Variants in SUGCT observed in about 807,000 individuals in gnomAD.
SUGCT encodes the protein succinyl-CoA:glutarate-CoA transferase.
In SUGCT, 41 loss-of-function variants were observed where a neutral mutation model predicts 55.0. The observed-to-expected ratio is 0.74, with a 90% CI of 0.58 to 0.97. The LOEUF (loss-of-function observed/expected upper bound fraction) is 0.97, where lower values mean the gene tolerates loss of function less well. Among genes scored for constraint, SUGCT ranks in the 50% least tolerant of loss-of-function variants. The pLI is 0.00. For missense variants in SUGCT, 568 were observed against 547.8 expected, an observed-to-expected ratio of 1.04 and a Z score of -0.37; for synonymous variants, 187 against 200.4, an observed-to-expected ratio of 0.93 and a Z score of 0.56.
chr7:40,168,809 G>A (rs1784539423), intron 1 of SUGCT, among the ~76,000 whole-genome samples: 1 of 151,246 alleles, frequency 6.6e-6, no homozygotes, highest in Admixed American at 6.6e-5. Flanking sequence ...CTTCTGCCGA[G>A]TACTGGGGCT....
At chr7:40,208,301 C>T (rs907465723) in intron 6 of SUGCT, among the ~76,000 whole-genome samples, 6 of 152,176 alleles carry the variant, frequency 3.9e-5, no homozygotes, top group Admixed American at 1.3e-4. Flanking sequence ...TATTTAATGC[C>T]GGTGCACTGT....
intron 1 of SUGCT, among the ~76,000 whole-genome samples, chr7:40,136,753 A>G (rs537667014): frequency 6.6e-6 from 1 of 152,264 alleles, no homozygotes; most frequent in East Asian, 1.9e-4. Flanking sequence ...TATTGAATAA[A>G]ATGACCTAGG....
intron 12 of SUGCT, among the ~76,000 whole-genome samples, chr7:40,740,713 C>A (rs985215222): frequency 6.6e-6 from 1 of 151,682 alleles, no homozygotes; most frequent in Non-Finnish European, 1.5e-5. Flanking sequence ...AACTTGTGAC[C>A]TTTTATTATG....
intron 9 of SUGCT, among the ~76,000 whole-genome samples, chr7:40,356,189 A>T (rs554675175): frequency 6.6e-6 from 1 of 152,374 alleles, no homozygotes; most frequent in Non-Finnish European, 1.5e-5. Flanking sequence ...GGAAGTATAT[A>T]AAACAGCTTG....
At chr7:40,999,098 C>T in the SUGCT span, among the ~76,000 whole-genome samples, 1 of 152,158 alleles carries the variant, frequency 6.6e-6, no homozygotes, top group Middle Eastern at 3.2e-3. Flanking sequence ...CGAAGTGACA[C>T]ACTTTGAACT....
At chr7:40,991,765 A>G in the SUGCT span, among the ~76,000 whole-genome samples, 3 of 152,190 alleles carry the variant, frequency 2.0e-5, no homozygotes, top group Non-Finnish European at 2.9e-5. Context: ...TGATTGGGAA[A>G]GAATGGGCAT....
chr7:40,142,071 G>A (rs1186083719), intron 1 of SUGCT, among the ~76,000 whole-genome samples: 1 of 152,134 alleles, frequency 6.6e-6, no homozygotes, highest in Non-Finnish European at 1.5e-5. Context: ...ATCTGAATGA[G>A]TCAGGGTGGA....
At chr7:40,138,513 G>A (rs1274848890) in intron 1 of SUGCT, among the ~76,000 whole-genome samples, 1 of 152,220 alleles carries the variant, frequency 6.6e-6, no homozygotes, top group Non-Finnish European at 1.5e-5. Context: ...TAGATGCACA[G>A]TAGTGGGATT....
chr7:40,874,831 T>C, the SUGCT span, among the ~76,000 whole-genome samples: 1 of 152,202 alleles, frequency 6.6e-6, no homozygotes, highest in Non-Finnish European at 1.5e-5. Flanking sequence ...TGGAAGAATA[T>C]ATATTTATAC....
At chr7:40,672,270 G>T (rs1801978899) in intron 12 of SUGCT, among the ~76,000 whole-genome samples, 1 of 152,134 alleles carries the variant, frequency 6.6e-6, no homozygotes, top group Non-Finnish European at 1.5e-5. Flanking sequence ...GTTGACATCA[G>T]ACCACAGTCT....
chr7:41,009,220 A>AAG, the SUGCT span, among the ~76,000 whole-genome samples: 1 of 151,832 alleles, frequency 6.6e-6, no homozygotes, highest in East Asian at 1.9e-4. Flanking sequence ...AAAAAAAAAA[A>AAG]AAAAAAGCAA....
At chr7:40,952,862 C>T in the SUGCT span, among the ~76,000 whole-genome samples, 1 of 152,144 alleles carries the variant, frequency 6.6e-6, no homozygotes, top group African/African-American at 2.4e-5. Flanking sequence ...GTAACCCAAC[C>T]TTTCTCTCTG....
At chr7:40,262,985 C>T (rs892948611) in intron 7 of SUGCT, among the ~76,000 whole-genome samples, 1 of 152,146 alleles carries the variant, frequency 6.6e-6, no homozygotes, top group African/African-American at 2.4e-5. Flanking sequence ...TGTAGTGGTG[C>T]CATCTCAGCT....
chr7:40,582,914 G>A (rs1562878349), intron 12 of SUGCT, among the ~76,000 whole-genome samples: 2 of 152,126 alleles, frequency 1.3e-5, no homozygotes, highest in Non-Finnish European at 2.9e-5. Flanking sequence ...GGTATTATTA[G>A]TATATCCTAA....
At chr7:40,194,723 A>G (rs1431149926) in intron 5 of SUGCT, among the ~76,000 whole-genome samples, 2 of 152,228 alleles carry the variant, frequency 1.3e-5, no homozygotes, top group Non-Finnish European at 2.9e-5. Context: ...TTCTGCATGT[A>G]CTTACATGTA....
chr7:40,821,993 C>G (rs1448258971), intron 13 of SUGCT, among the ~76,000 whole-genome samples: 1 of 152,148 alleles, frequency 6.6e-6, no homozygotes. Context: ...CAAAGAACAT[C>G]TTTATTTCTG....
At chr7:40,878,004 C>T in the SUGCT span, among the ~76,000 whole-genome samples, 5 of 152,192 alleles carry the variant, frequency 3.3e-5, no homozygotes, top group Admixed American at 6.5e-5. Context: ...CCAAATGTTT[C>T]CTTCACTTTC....
chr7:40,726,036 C>T (rs1159072157), intron 12 of SUGCT, among the ~76,000 whole-genome samples: 1 of 152,030 alleles, frequency 6.6e-6, no homozygotes, highest in Non-Finnish European at 1.5e-5. Flanking sequence ...CAGGCTGCCC[C>T]AAGTCGGGAA....
At chr7:40,922,340 T>C in the SUGCT span, among the ~76,000 whole-genome samples, 2 of 152,150 alleles carry the variant, frequency 1.3e-5, no homozygotes, top group Non-Finnish European at 2.9e-5. Flanking sequence ...AAGTCCTAAT[T>C]TCAGGAAACT....
Sources: allele counts gnomAD v4.1 joint callset (sites outside exome capture counted in the v4.1 genomes callset), GRCh38; gene constraint gnomAD v4.1.1; transcripts MANE v1.5; gene names NCBI Gene and HGNC (gene_info 2026-07-23, HGNC 2026-07-21).